CEP290: variants seen among roughly 807,000 people sequenced by gnomAD.
CEP290 encodes centrosomal protein 290.
Under a neutral mutation model 344.9 loss-of-function variants are expected in CEP290, and 317 were observed. That is an observed-to-expected ratio of 0.92 (90% CI 0.84 to 1.01). The LOEUF (loss-of-function observed/expected upper bound fraction) is 1.01, where lower values mean the gene tolerates loss of function less well. Ranked by LOEUF, CEP290 falls within the 50% of genes least tolerant of loss-of-function variation. The probability of loss-of-function intolerance (pLI) is 0.00; values close to 1 mark genes in which losing one functional copy is unlikely to be tolerated. For missense variants in CEP290, 2,754 were observed against 2,761.4 expected (o/e 1.00, Z 0.06); for synonymous variants, 932 against 895.8 (o/e 1.04, Z -0.72).
intron 25 of CEP290, among the ~76,000 whole-genome samples, chr12:88,105,912 T>G (rs977922333): frequency 2.6e-5 from 4 of 151,228 alleles, no homozygotes; most frequent in Non-Finnish European, 4.4e-5. Flanking sequence ...CCAAGCTAAT[T>G]AAAAACAAAC....
rs1253500929 is a variant in CEP290 at position 88,059,898 on chromosome 12, T to C, written c.6645A>G (p.Lys2215=). ...ENERLRKELK[K]ETDAAEKLRI... is the part of the protein sequence containing the mutation. The stretch of plus-strand genomic sequence containing the variant: ...TTATAATCAGTCATAAAAGTCATAC[T>C]TTTTTAAGTTCTTTACGAAGCCTTT... The change falls in exon 48 of 54, where the codon AAA becomes AAG. Residue 2215 remains lysine (K), a splice_region_variant and synonymous_variant. Transcript: ENST00000552810. 2.5e-6 allele frequency: 4 copies of C among 1,576,434 alleles called. No individual in the cohort carries two copies. Among genetic ancestry groups the C allele is most frequent in the Non-Finnish European group, 1.7e-6 (2 of 1,165,802 alleles).
rs1565822519 is a variant in CEP290 at position 88,077,770 on chromosome 12, C to CT, written c.5512dup (p.Arg1838LysfsTer7). On this transcript the variant is annotated frameshift_variant, in exon 40 of 54. Transcript: ENST00000552810. LOFTEE classifies it high-confidence loss of function. ...CTCTTGATCAATTTCCTCTTTCTCT[C>CT]TAAGTATTTTATTATAGGCTTTTTG... 1 of 1,581,924 alleles carries CT rather than the reference C, an allele frequency of 6.3e-7. No individual in the cohort carries two copies.
Position 88,131,152 on chromosome 12 carries a change from TA to T in CEP290, c.495+12del. ...ACCTTTGTTGAACCACCACAACTAC[TA>T]AAATTTTTTACCTCTCTTCTTAATT... On this transcript the variant is annotated intron_variant, in intron 7 of 53. Transcript: ENST00000552810. 2 of 1,508,502 alleles carry T rather than the reference TA, an allele frequency of 1.3e-6. No individual in the cohort carries two copies. Among genetic ancestry groups the T allele is most frequent in the Non-Finnish European group, 1.8e-6 (2 of 1,133,578 alleles). The allele number at this position is 1,508,502 out of a possible 1,614,324, so 93.4% of individuals were successfully genotyped here. A position where few individuals can be genotyped will look rare whatever the true frequency, so the allele number is the denominator to read the frequency against.
chr12:88,060,156 G>A, intron 47 of CEP290, 136 bp from the exon 48 acceptor site: 2 of 771,846 alleles, frequency 2.6e-6, no homozygotes, highest in Non-Finnish European at 2.0e-6. Context: ...GTCTTCATTT[G>A]AATATTAGTG....
Position 88,084,644 on chromosome 12 carries a change from A to T in CEP290, c.4646T>A (p.Leu1549Ter). Residue 1549 changes from leucine (L) to a stop codon, truncating the protein, a stop_gained, in exon 35 of 54, where the codon TTA becomes TAA. Coordinates refer to ENST00000552810, the MANE Select transcript of CEP290 (RefSeq NM_025114.4). LOFTEE classifies it high-confidence loss of function. Reference protein sequence around the residue: ...HQTIANMQARLNQKEEVLKKY... With the variant: ...HQTIANMQAR The stretch of plus-strand genomic sequence containing the variant: ...CTTTAATACTTCTTCTTTTTGATTT[A>T]ACCTTGCTTGCATGTTTGCAATGGT... 6.2e-7 allele frequency: 1 copy of T among 1,613,474 alleles called. No individual in the cohort carries two copies. The highest frequency in any genetic ancestry group is 1.1e-5 in the South Asian group (1 of 91,034).
rs759494141 is a variant in CEP290, at chr12:88,121,072, TTCAGCTGTTCTC to T, written c.1272_1283del (p.Arg425_Glu428del). On this transcript the variant is annotated inframe_deletion, in exon 14 of 54. Coordinates refer to ENST00000552810, the MANE Select transcript of CEP290 (RefSeq NM_025114.4). ...TTTCCCTAGCATCAGCCTCAGCCAGTTCAGCTGTTCTCTCAGCCTCTTTAGTTTTCTCTTTTA... is the reference window on the plus strand; with the variant it reads ...TTTCCCTAGCATCAGCCTCAGCCAGTTCAGCCTCTTTAGTTTTCTCTTTTA... 6.2e-7 allele frequency: 1 copy of T among 1,613,464 alleles called. No homozygotes were observed. The highest frequency in any genetic ancestry group is 1.3e-5 in the African/African-American group (1 of 74,918).
chr12:88,103,258 ACT>A (rs958862880), intron 25 of CEP290: 1 of 235,306 alleles, frequency 4.2e-6, no homozygotes, highest in African/African-American at 2.2e-5. Context: ...GTAAAATAAA[ACT>A]CAATTAATTT....
chr12:88,135,673 A>T (rs530611418), intron 6 of CEP290: 1 of 152,268 alleles, frequency 6.6e-6, no homozygotes, highest in African/African-American at 2.4e-5. Flanking sequence ...TTCCTTACAA[A>T]TCAATTTATG....
chr12:88,120,999 A>G lies in CEP290; in HGVS notation c.1357T>C (p.Ser453Pro). 1.2e-6 allele frequency: 2 copies of G among 1,609,520 alleles called. No individual in the cohort carries two copies. ...EALKRLKDYE[S>P]GVYGLEDAVV... ...AATGACAAGATAAAAATACATACCG[A>G]TTCATAATCTTTTAACCTCTTCAGA... Residue 453 changes from serine (S) to proline (P), a missense_variant and splice_region_variant, in exon 14 of 54, where the codon TCG becomes CCG. Coordinates refer to ENST00000552810, the MANE Select transcript of CEP290 (RefSeq NM_025114.4).
chr12:88,120,238 C>T lies in CEP290; in HGVS notation c.1398G>A (p.Lys466=). ...YGLEDAVVEI[K]NCKNQIKIRD... ...TTATTTTAATTTGGTTTTTACAATTCTTTATTTCAACGACAGCATCTTCTA... is the reference window on the plus strand; with the variant it reads ...TTATTTTAATTTGGTTTTTACAATTTTTTATTTCAACGACAGCATCTTCTA... The change falls in exon 15 of 54, where the codon AAG becomes AAA. Residue 466 remains lysine, a synonymous_variant. Transcript: ENST00000552810. 1 of 1,484,476 alleles carries T rather than the reference C, an allele frequency of 6.7e-7. No individual in the cohort carries two copies. The highest frequency in any genetic ancestry group is 1.4e-5 in the South Asian group (1 of 73,838). 92.0% of individuals were successfully genotyped at this position (1,484,476 alleles called of 1,614,324 possible).
chr12:88,077,359 G>A lies in CEP290; in HGVS notation c.5587-15C>T. 7.1e-7 allele frequency: 1 copy of A among 1,411,446 alleles called. No homozygotes were observed. The allele number at this position is 1,411,446 out of a possible 1,614,324, so 87.4% of individuals were successfully genotyped here. On this transcript the variant is annotated splice_polypyrimidine_tract_variant and intron_variant, in intron 40 of 53. Transcript: ENST00000552810. The stretch of plus-strand genomic sequence containing the variant: ...AGGGGTTTGCCCTAAAAAATAAAAT[G>A]TAACTTTATATTTTTACAAATAAAT...
chr12:88,097,983 A>C (rs1328704057), intron 26 of CEP290, among the ~76,000 whole-genome samples: 1 of 152,150 alleles, frequency 6.6e-6, no homozygotes, highest in Non-Finnish European at 1.5e-5. Flanking sequence ...GCAGATAATA[A>C]GCAAGTAAAC....
rs1457324877 is a variant in CEP290 at position 88,118,680 on chromosome 12, T to C, written c.1586A>G (p.Gln529Arg). Residue 529 changes from glutamine (Q) to arginine (R), a missense_variant, in exon 16 of 54, where the codon CAG (glutamine) becomes CGG (arginine). Gln to Arg is a conservative substitution (Grantham distance 43, BLOSUM62 1). Transcript: ENST00000552810. ...AATCTGGTTTTCAGCTCTGTACTGC[T>C]GCTGTTTTAAGTGTTTGCTATTTCT... ...EFRNSKHLKQ[Q>R]QYRAENQILL... 1 of 1,613,592 alleles carries C rather than the reference T, an allele frequency of 6.2e-7. No homozygotes were observed. The highest frequency in any genetic ancestry group is 8.5e-7 in the Non-Finnish European group (1 of 1,179,726).
In CEP290 at chr12:88,120,123, C is replaced by G; in HGVS notation, c.1513G>C (p.Glu505Gln). The stretch of plus-strand genomic sequence containing the variant: ...TTAAAACATGGCTTACCCACACGCT[C>G]TCTAAGTGCCTCATTTTCATCAAGG... ...DFLDENEALR[E>Q]RVGLEPKTMI... Residue 505 changes from glutamate to glutamine, a missense_variant, in exon 15 of 54, where the codon GAG (glutamate) becomes CAG (glutamine). Transcript: ENST00000552810. 1.3e-6 allele frequency: 2 copies of G among 1,542,732 alleles called. No homozygotes were observed. The highest frequency in any genetic ancestry group is 1.7e-6 in the Non-Finnish European group (2 of 1,143,068).
chr12:88,102,841 C>T lies in CEP290; in HGVS notation c.2988G>A (p.Leu996=), dbSNP rs1265290423. The T allele has an allele frequency of 5.6e-6, 9 of 1,608,956 alleles. No individual in the cohort carries two copies. Among genetic ancestry groups the T allele is most frequent in the Non-Finnish European group, 7.6e-6 (9 of 1,177,812 alleles). ...TTCAAGAATCACACAAACTTACCTC[C>T]AGGTGTTCCAAGTTACTTGTTCTTT... ...LVQRTSNLEH[L]ECENISLKEQ... is the part of the protein sequence containing the mutation. Residue 996 remains leucine, a synonymous_variant, in exon 26 of 54, where the codon CTG becomes CTA. Coordinates refer to ENST00000552810, the MANE Select transcript of CEP290 (RefSeq NM_025114.4).
chr12:88,114,098 A>C (rs2038891976), intron 20 of CEP290, among the ~76,000 whole-genome samples: 1 of 152,078 alleles, frequency 6.6e-6, no homozygotes. Context: ...TGAAAGGAAA[A>C]TCCCAATAAG....
intron 6 of CEP290, chr12:88,135,955 A>G (rs996202614): frequency 1.3e-5 from 2 of 152,136 alleles, no homozygotes; most frequent in Non-Finnish European, 2.9e-5. Context: ...AAGCTGAGGT[A>G]AAATAGGAAA....
Position 88,089,137 on chromosome 12 carries a change from T to A in CEP290, c.3924A>T (p.Gln1308His). 2 of 1,600,924 alleles carry A rather than the reference T, an allele frequency of 1.2e-6. No homozygotes were observed. Among genetic ancestry groups the A allele is most frequent in the Non-Finnish European group, 1.7e-6 (2 of 1,174,998 alleles). Reference sequence around the variant, plus strand: ...TGTTCTCCATATTTCTATGTTCTTGTTGAGAATTTTTCATTTCTTGCATTA... The same window carrying A: ...TGTTCTCCATATTTCTATGTTCTTGATGAGAATTTTTCATTTCTTGCATTA... ...LKIMQEMKNS[Q>H]QEHRNMENKT... Residue 1308 changes from glutamine (Q) to histidine (H), a missense_variant, in exon 31 of 54, where the codon CAA becomes CAT. Gln to His is a conservative substitution (Grantham distance 24, BLOSUM62 0). Coordinates refer to ENST00000552810, the MANE Select transcript of CEP290 (RefSeq NM_025114.4).
At position 88,129,025 on chromosome 12, in the gene CEP290, A is replaced by C. The variant is rs989381337; in HGVS notation, c.863T>G (p.Leu288Arg). Residue 288 changes from leucine to arginine, a missense_variant, in exon 11 of 54, where the codon CTT (leucine) becomes CGT (arginine). By Grantham distance (102) the Leu-to-Arg change is moderately radical (BLOSUM62 -2). Coordinates refer to ENST00000552810, the MANE Select transcript of CEP290 (RefSeq NM_025114.4). Reference sequence around the variant, plus strand: ...ATTTTTTGATTTCAGAAGATCTGTAAGCTCCTGCACCTAAAAGACAAAGTT... The same window carrying C: ...ATTTTTTGATTTCAGAAGATCTGTACGCTCCTGCACCTAAAAGACAAAGTT... ...NDHYQLQVQE[L>R]TDLLKSKNEE... 1 of 1,483,872 alleles carries C rather than the reference A, an allele frequency of 6.7e-7. No homozygotes were observed. Among genetic ancestry groups the C allele is most frequent in the Non-Finnish European group, 8.9e-7 (1 of 1,128,984 alleles). 91.9% of individuals were successfully genotyped at this position (1,483,872 alleles called of 1,614,324 possible).
Sources: allele counts gnomAD v4.1 joint callset (sites outside exome capture counted in the v4.1 genomes callset), GRCh38; gene constraint gnomAD v4.1.1; transcripts MANE v1.5; gene names NCBI Gene and HGNC (gene_info 2026-07-23, HGNC 2026-07-21).